Variants in DAP observed in about 807,000 individuals in gnomAD.
DAP encodes death-associated protein 1.
In DAP, 8 loss-of-function variants were observed where a neutral mutation model predicts 13.8. The ratio of observed to expected loss-of-function variants is 0.58; its 90% confidence interval spans 0.34 to 1.05. The LOEUF is 1.05. Among genes scored for constraint, DAP ranks in the 50% least tolerant of loss-of-function variants. The probability of loss-of-function intolerance (pLI) is 0.03; values close to 1 mark genes in which losing one functional copy is unlikely to be tolerated. For synonymous variants in DAP, 47 were observed against 47.5 expected (o/e 0.99, Z 0.04); for missense variants, 106 against 133.2 (o/e 0.80, Z 1.01).
chr5:10,699,766 T>TG (rs3842028), intron 2 of DAP, among the ~76,000 whole-genome samples: 75,708 of 152,042 alleles, frequency 0.5, 20,897 homozygotes, highest in East Asian at 0.75. Flanking sequence ...GCAAGGGGAA[T>TG]TCCAGAGTGT....
intron 1 of DAP, among the ~76,000 whole-genome samples, chr5:10,750,815 G>A (rs1740026942): frequency 6.6e-6 from 1 of 152,160 alleles, no homozygotes; most frequent in Admixed American, 6.6e-5. Context: ...TCTTCACTGG[G>A]CTTTACCAGT....
chr5:10,711,792 G>A (rs896902432), intron 2 of DAP, among the ~76,000 whole-genome samples: 18 of 152,198 alleles, frequency 1.2e-4, no homozygotes, highest in African/African-American at 4.1e-4. Flanking sequence ...GGACTCAAGA[G>A]CAAGTTAGTT....
At chr5:10,710,579 T>TCGGGC (rs1738823109) in intron 2 of DAP, among the ~76,000 whole-genome samples, 1 of 152,096 alleles carries the variant, frequency 6.6e-6, no homozygotes, top group African/African-American at 2.4e-5. Flanking sequence ...ATGGGTGTGC[T>TCGGGC]CTGGAGGGTG....
At chr5:10,722,962 C>T (rs1739196048) in intron 2 of DAP, among the ~76,000 whole-genome samples, 1 of 152,166 alleles carries the variant, frequency 6.6e-6, no homozygotes, top group Non-Finnish European at 1.5e-5. Context: ...ACCGAAAAAT[C>T]CTCTTTACAC....
chr5:10,740,304 A>C (rs142629130), intron 2 of DAP, among the ~76,000 whole-genome samples: 1 of 152,218 alleles, frequency 6.6e-6, no homozygotes, highest in Non-Finnish European at 1.5e-5. Context: ...GCCTGTGAAC[A>C]TATCAAATGT....
chr5:10,692,911 G>A (rs1486892210), intron 2 of DAP, among the ~76,000 whole-genome samples: 2 of 152,186 alleles, frequency 1.3e-5, no homozygotes, highest in Non-Finnish European at 2.9e-5. Flanking sequence ...GTTTTGTGGG[G>A]TCCTTACCCT....
At chr5:10,688,716 C>T (rs1738219280) in intron 2 of DAP, among the ~76,000 whole-genome samples, 1 of 152,226 alleles carries the variant, frequency 6.6e-6, no homozygotes, top group African/African-American at 2.4e-5. Context: ...CATGGAGACT[C>T]TGGAGGCTAA....
chr5:10,717,096 A>G (rs925427012), intron 2 of DAP, among the ~76,000 whole-genome samples: 2 of 152,208 alleles, frequency 1.3e-5, no homozygotes, highest in African/African-American at 2.4e-5. Context: ...ACCTTTGACC[A>G]TATGTGGAGA....
intron 2 of DAP, among the ~76,000 whole-genome samples, chr5:10,685,637 G>C (rs138029379): frequency 2.6e-5 from 4 of 152,210 alleles, no homozygotes; most frequent in African/African-American, 9.7e-5. Context: ...GAATCATATA[G>C]TATCATCTTC....
chr5:10,718,865 T>C (rs1739062320), intron 2 of DAP, among the ~76,000 whole-genome samples: 1 of 152,250 alleles, frequency 6.6e-6, no homozygotes, highest in Non-Finnish European at 1.5e-5. Context: ...ATCAACTCTC[T>C]GGCTTTGTGT....
At chr5:10,690,029 C>CACTG (rs2126638127) in intron 2 of DAP, among the ~76,000 whole-genome samples, 1 of 152,306 alleles carries the variant, frequency 6.6e-6, no homozygotes, top group Non-Finnish European at 1.5e-5. Flanking sequence ...ATCTGTTTGG[C>CACTG]ACTGGTAAGA....
At chr5:10,733,626 C>A (rs1739529024) in intron 2 of DAP, 1 of 152,110 alleles carries the variant, frequency 6.6e-6, no homozygotes, top group African/African-American at 2.4e-5. Flanking sequence ...TACAGTCCTG[C>A]CTTAGGGGAT....
chr5:10,728,592 GTTC>G (rs1739351594), intron 2 of DAP, among the ~76,000 whole-genome samples: 1 of 152,216 alleles, frequency 6.6e-6, no homozygotes, highest in African/African-American at 2.4e-5. Flanking sequence ...ATTTGTTAAT[GTTC>G]TTGAGAAAAC....
intron 1 of DAP, among the ~76,000 whole-genome samples, chr5:10,750,015 G>A (rs981031878): frequency 3.9e-5 from 6 of 152,056 alleles, no homozygotes; most frequent in Admixed American, 1.3e-4. Context: ...AGAGGCGTTC[G>A]GGAGAGTGGG....
Position 10,680,991 on chromosome 5 carries a change from C to T in DAP, c.*65G>A, listed in dbSNP as rs1561002924. On this transcript the variant is annotated 3_prime_UTR_variant, in exon 4 of 4. Coordinates refer to ENST00000230895, the MANE Select transcript of DAP (RefSeq NM_004394.3). Reference sequence around the variant, plus strand: ...GGATTTGGGCGAAACTGCTGGTTCTCTCTGTCAGGGAAATACCAAGTGCAG... The same window carrying T: ...GGATTTGGGCGAAACTGCTGGTTCTTTCTGTCAGGGAAATACCAAGTGCAG... The T allele has an allele frequency of 2.6e-6, 4 of 1,550,622 alleles. No homozygotes were observed. The Middle Eastern group carries it at 5.0e-4, about 194-fold the overall frequency.
chr5:10,687,471 C>T (rs1738184147), intron 2 of DAP, among the ~76,000 whole-genome samples: 3 of 152,168 alleles, frequency 2.0e-5, no homozygotes, highest in Admixed American at 2.0e-4. Flanking sequence ...AAGCTGATTC[C>T]AACCCTCATG....
rs1354301071 is a variant in DAP at position 10,711,263 on chromosome 5, G to C, written c.153-27692C>G. On this transcript the variant is annotated intron_variant, in intron 2 of 3. Transcript: ENST00000230895. Reference sequence around the variant, plus strand: ...AGCGCATGGCTCCCAGTTGGTGGCTGAAGTCCGCTCACCCGGGGTGGCCTG... The same window carrying C: ...AGCGCATGGCTCCCAGTTGGTGGCTCAAGTCCGCTCACCCGGGGTGGCCTG... 3.3e-5 allele frequency among the ~76,000 whole-genome samples: 5 copies of C among 152,224 alleles called. 1 individual carries two copies. Among genetic ancestry groups the C allele is most frequent in the Non-Finnish European group, 5.9e-5 (4 of 68,044 alleles).
At chr5:10,681,264 G>T in intron 3 of DAP, 95 bp from the exon 4 acceptor site, 1 of 905,444 alleles carries the variant, frequency 1.1e-6, no homozygotes, top group Non-Finnish European at 1.6e-6. Context: ...GCGTCCCTGC[G>T]GAAGGATAGC....
At chr5:10,719,234 T>C (rs1359905207) in intron 2 of DAP, among the ~76,000 whole-genome samples, 1 of 152,226 alleles carries the variant, frequency 6.6e-6, no homozygotes, top group Non-Finnish European at 1.5e-5. Flanking sequence ...TTTTGATGTG[T>C]TACTCTGGTC....
Sources: allele counts gnomAD v4.1 joint callset (sites outside exome capture counted in the v4.1 genomes callset), GRCh38; gene constraint gnomAD v4.1.1; transcripts MANE v1.5; gene names NCBI Gene and HGNC (gene_info 2026-07-23, HGNC 2026-07-21).